LRRC7: variants seen among roughly 807,000 people sequenced by gnomAD.
The protein encoded by LRRC7 is leucine-rich repeat-containing protein 7.
In LRRC7, 23 loss-of-function variants were observed where a neutral mutation model predicts 175.7. The ratio of observed to expected loss-of-function variants is 0.13; its 90% CI spans 0.09 to 0.19. LRRC7 has a LOEUF of 0.19. Ranked by LOEUF, LRRC7 falls within the 10% of genes least tolerant of loss-of-function variation. LRRC7 has a pLI of 1.00. For synonymous variants in LRRC7, 685 were observed against 680.9 expected (o/e 1.01, Z -0.09); for missense variants, 1,354 against 1,904.7 (o/e 0.71, Z 5.38).
intron 10 of LRRC7, among the ~76,000 whole-genome samples, chr1:69,991,751 C>A (rs1654460515): frequency 1.3e-5 from 2 of 152,056 alleles, no homozygotes; most frequent in African/African-American, 4.8e-5. Context: ...TAAATAAAAT[C>A]TTTACTTTCT....
chr1:69,775,825 T>C (rs976663919), intron 3 of LRRC7, among the ~76,000 whole-genome samples: 1 of 152,182 alleles, frequency 6.6e-6, no homozygotes, highest in Non-Finnish European at 1.5e-5. Flanking sequence ...TTAGAGATAC[T>C]GTGGCAGAAA....
At chr1:69,619,632 A>G (rs994928989) in intron 1 of LRRC7, among the ~76,000 whole-genome samples, 15 of 152,196 alleles carry the variant, frequency 9.9e-5, no homozygotes, top group African/African-American at 3.6e-4. Context: ...CCCAAAATTA[A>G]CAGAGTGAGC....
intron 2 of LRRC7, among the ~76,000 whole-genome samples, chr1:69,709,245 G>T (rs1369044183): frequency 6.6e-6 from 1 of 152,172 alleles, no homozygotes; most frequent in Non-Finnish European, 1.5e-5. Context: ...CAGATTGAGA[G>T]GCTCTCATTT....
chr1:69,770,799 A>G (rs1471293886), intron 3 of LRRC7, among the ~76,000 whole-genome samples: 1 of 152,168 alleles, frequency 6.6e-6, no homozygotes, highest in Non-Finnish European at 1.5e-5. Flanking sequence ...ACATATATCT[A>G]TGGAGGGCTC....
At position 69,679,292 on chromosome 1, in the gene LRRC7, T is replaced by A. The variant is rs762675980; in HGVS notation, c.100+814T>A. On this transcript the variant is annotated intron_variant, in intron 2 of 26. Transcript: ENST00000651989. ...TTGTCCTTTTACAGGAACTTACATTTTACAAGGATAAAGCTAATGTAGTGG... is the reference window on the plus strand; with the variant it reads ...TTGTCCTTTTACAGGAACTTACATTATACAAGGATAAAGCTAATGTAGTGG... Among the ~76,000 whole-genome samples, 12 of 152,206 alleles carry A rather than the reference T, an allele frequency of 7.9e-5. No individual in the cohort carries two copies. In the Middle Eastern group the frequency reaches 0.014, roughly 173 times the overall value.
intron 2 of LRRC7, among the ~76,000 whole-genome samples, chr1:69,680,792 GTTATT>G (rs963929706): frequency 6.6e-6 from 1 of 151,698 alleles, no homozygotes; most frequent in African/African-American, 2.4e-5. Flanking sequence ...ACCAGGAATA[GTTATT>G]TTAAATACAA....
At chr1:69,988,095 C>T (rs1484438496) in intron 10 of LRRC7, among the ~76,000 whole-genome samples, 1 of 152,166 alleles carries the variant, frequency 6.6e-6, no homozygotes, top group African/African-American at 2.4e-5. Flanking sequence ...GACAGAGCAA[C>T]TTAATACATA....
At chr1:69,831,829 C>T (rs1680557045) in intron 5 of LRRC7, among the ~76,000 whole-genome samples, 1 of 152,052 alleles carries the variant, frequency 6.6e-6, no homozygotes, top group South Asian at 2.1e-4. Flanking sequence ...TTGTTGGAAA[C>T]TGTAACTTTA....
chr1:69,669,270 T>C (rs1277776289), intron 1 of LRRC7, among the ~76,000 whole-genome samples: 1 of 152,220 alleles, frequency 6.6e-6, no homozygotes, highest in African/African-American at 2.4e-5. Flanking sequence ...CTGGTGTTGA[T>C]GAAATCCTTC....
chr1:69,936,460 A>AT lies in LRRC7; in HGVS notation c.711+4895dup, dbSNP rs537218139. 3.3e-3 allele frequency among the ~76,000 whole-genome samples: 498 copies of AT among 152,292 alleles called. 1 individual carries two copies. Among genetic ancestry groups the AT allele is most frequent in the African/African-American group, 0.011 (449 of 41,570 alleles). ...TTTTCTTCAGAAAAAGATTTCACAC[A>AT]TTTTTAATTAATTTGTTCCTAAGTA... On this transcript the variant is annotated intron_variant, in intron 8 of 26. Coordinates refer to ENST00000651989, the MANE Select transcript of LRRC7 (RefSeq NM_001370785.2).
At chr1:69,815,552 C>T (rs1678484481) in intron 4 of LRRC7, among the ~76,000 whole-genome samples, 2 of 152,116 alleles carry the variant, frequency 1.3e-5, no homozygotes, top group Admixed American at 1.3e-4. Flanking sequence ...GCTTGATCCC[C>T]CTTCACAGTC....
At chr1:69,618,403 A>G (rs1310050599) in intron 1 of LRRC7, among the ~76,000 whole-genome samples, 1 of 152,156 alleles carries the variant, frequency 6.6e-6, no homozygotes, top group Non-Finnish European at 1.5e-5. Flanking sequence ...CTGTTTCAGC[A>G]ACTATACCCA....
chr1:69,702,055 A>G (rs1174674045), intron 2 of LRRC7, among the ~76,000 whole-genome samples: 1 of 152,116 alleles, frequency 6.6e-6, no homozygotes, highest in African/African-American at 2.4e-5. Context: ...ATTGTGTTTT[A>G]TTTTCTGCAA....
At chr1:69,767,046 C>T (rs1671699803) in intron 3 of LRRC7, among the ~76,000 whole-genome samples, 1 of 151,886 alleles carries the variant, frequency 6.6e-6, no homozygotes, top group Non-Finnish European at 1.5e-5. Context: ...TCCATGTTCC[C>T]TGTTTCTCCT....
At chr1:69,884,466 G>A (rs1686959509) in intron 7 of LRRC7, among the ~76,000 whole-genome samples, 1 of 126,874 alleles carries the variant, frequency 7.9e-6, no homozygotes, top group African/African-American at 3.4e-5. Context: ...CATTGATTTT[G>A]TATCCTGAGA....
chr1:69,626,739 A>G (rs1651638304), intron 1 of LRRC7, among the ~76,000 whole-genome samples: 1 of 111,602 alleles, frequency 9.0e-6, no homozygotes, highest in Non-Finnish European at 1.7e-5. Context: ...CCCCCCCATG[A>G]CAGGCCCCGG....
At chr1:69,608,860 CTCTCTCTATATATATA>C (rs1233151721) in intron 1 of LRRC7, among the ~76,000 whole-genome samples, 319 of 23,344 alleles carry the variant, frequency 0.014, no homozygotes, top group African/African-American at 0.059. Context: ...CTCTCTCTCT[CTCTCTCTATATATATA>C]TATATATATA....
At chr1:70,078,814 A>G (rs1445550678) in intron 24 of LRRC7, among the ~76,000 whole-genome samples, 5 of 118,348 alleles carry the variant, frequency 4.2e-5, no homozygotes, top group Admixed American at 8.1e-5. Flanking sequence ...GCGCGCGCAC[A>G]CACACACACG....
chr1:69,651,178 A>G (rs1387338566), intron 1 of LRRC7, among the ~76,000 whole-genome samples: 1 of 152,208 alleles, frequency 6.6e-6, no homozygotes, highest in African/African-American at 2.4e-5. Flanking sequence ...TTTTATTCAT[A>G]TACTGTATAA....
Sources: allele counts gnomAD v4.1 joint callset (sites outside exome capture counted in the v4.1 genomes callset), GRCh38; gene constraint gnomAD v4.1.1; transcripts MANE v1.5; gene names NCBI Gene and HGNC (gene_info 2026-07-23, HGNC 2026-07-21).